Variants in SLC35F1 observed in about 807,000 individuals in gnomAD.
The protein encoded by SLC35F1 is solute carrier family 35 member F1, also known as chromosome 6 open reading frame 169.
SLC35F1 carries 14 observed loss-of-function variants against 48.7 expected under a neutral mutation model. The ratio of observed to expected loss-of-function variants is 0.29; its 90% CI spans 0.19 to 0.45. SLC35F1 has a LOEUF of 0.45. Among genes scored for constraint, SLC35F1 ranks in the 20% least tolerant of loss-of-function variants. The probability of loss-of-function intolerance (pLI) is 1.00; values close to 1 mark genes in which losing one functional copy is unlikely to be tolerated. For missense variants in SLC35F1, 404 were observed against 500.0 expected (o/e 0.81, Z 1.83); for synonymous variants, 190 against 202.2 (o/e 0.94, Z 0.51).
intron 1 of SLC35F1, among the ~76,000 whole-genome samples, chr6:117,996,152 A>C (rs79493899): frequency 0.018 from 2,721 of 152,338 alleles, 32 homozygotes; most frequent in East Asian, 0.031. Flanking sequence ...ATTTAAGAGA[A>C]GAATATTAAA....
intron 1 of SLC35F1, among the ~76,000 whole-genome samples, chr6:117,925,758 T>C (rs1374448867): frequency 1.3e-5 from 2 of 152,062 alleles, no homozygotes; most frequent in Non-Finnish European, 2.9e-5. Context: ...GCCCAAGATG[T>C]AGTTCTGCTG....
intron 2 of SLC35F1, among the ~76,000 whole-genome samples, chr6:118,230,405 C>CA (rs1295148628): frequency 1.3e-5 from 2 of 151,024 alleles, no homozygotes; most frequent in Admixed American, 6.6e-5. Flanking sequence ...AAATTAGAAC[C>CA]AATTAGAAGT....
chr6:118,134,500 A>G (rs1773763734), intron 1 of SLC35F1, among the ~76,000 whole-genome samples: 2 of 152,206 alleles, frequency 1.3e-5, no homozygotes, highest in Admixed American at 6.5e-5. Context: ...CAGGTGGTTG[A>G]TGAAGGCTGG....
intron 1 of SLC35F1, among the ~76,000 whole-genome samples, chr6:118,069,190 C>T (rs1439115465): frequency 3.3e-5 from 5 of 152,112 alleles, no homozygotes; most frequent in Admixed American, 6.5e-5. Context: ...AATTAACCAC[C>T]TTATTTGTAT....
intron 1 of SLC35F1, among the ~76,000 whole-genome samples, chr6:118,095,270 T>A (rs1450201335): frequency 6.6e-6 from 1 of 152,200 alleles, no homozygotes; most frequent in Non-Finnish European, 1.5e-5. Flanking sequence ...TCTTAGTTTG[T>A]GCTCTTTGTT....
intron 2 of SLC35F1, among the ~76,000 whole-genome samples, chr6:118,213,093 A>T (rs1775027271): frequency 6.6e-6 from 1 of 152,194 alleles, no homozygotes; most frequent in African/African-American, 2.4e-5. Flanking sequence ...TTTAAAATTT[A>T]ACAATGCATA....
intron 7 of SLC35F1, 109 bp downstream of exon 7, chr6:118,285,447 A>G (rs1451700553): frequency 7.9e-7 from 1 of 1,261,164 alleles, no homozygotes; most frequent in Non-Finnish European, 1.1e-6. Flanking sequence ...GGGAATAGTA[A>G]TGTAACTGGG....
Position 118,098,469 on chromosome 6 carries a change from A to T in SLC35F1, c.174-55976A>T, listed in dbSNP as rs111551818. On this transcript the variant is annotated intron_variant, in intron 1 of 7. Coordinates refer to ENST00000360388, the MANE Select transcript of SLC35F1 (RefSeq NM_001029858.4). ...ATAAGCCTGTTTCTAAGTCTCATGC[A>T]TTGTGTACTGGGAGTGCAGATAGTT... is the stretch of plus-strand genomic sequence containing the variant. Among the ~76,000 whole-genome samples, 23 of 152,280 alleles carry T rather than the reference A, an allele frequency of 1.5e-4. 1 individual carries two copies. The highest frequency in any genetic ancestry group is 5.5e-4 in the African/African-American group (23 of 41,562).
intron 1 of SLC35F1, among the ~76,000 whole-genome samples, chr6:118,005,520 A>G (rs980674498): frequency 6.6e-6 from 1 of 151,898 alleles, no homozygotes; most frequent in African/African-American, 2.4e-5. Flanking sequence ...ATTTTGCCCA[A>G]TTTTAGTCTC....
intron 6 of SLC35F1, among the ~76,000 whole-genome samples, chr6:118,281,364 T>C (rs991792909): frequency 1.3e-5 from 2 of 152,066 alleles, no homozygotes; most frequent in Non-Finnish European, 2.9e-5. Context: ...TAAGGGCAAG[T>C]TACTTAACCC....
chr6:117,993,830 G>A (rs1462713227), intron 1 of SLC35F1, among the ~76,000 whole-genome samples: 1 of 152,202 alleles, frequency 6.6e-6, no homozygotes, highest in African/African-American at 2.4e-5. Context: ...ACAAAGGGCA[G>A]GCAGCTCCAG....
rs144144743 is a variant in SLC35F1, at chr6:118,159,128, G to C, written c.349+4508G>C. On this transcript the variant is annotated intron_variant, in intron 2 of 7. Coordinates refer to ENST00000360388, the MANE Select transcript of SLC35F1 (RefSeq NM_001029858.4). ...CCCAGCTACTTGGGAGACTGAGGCA[G>C]GAGATTGGCGTGAACCTGGGAGGCA... 6.2e-3 allele frequency among the ~76,000 whole-genome samples: 931 copies of C among 149,712 alleles called. 4 individuals carry two copies. Among genetic ancestry groups the C allele is most frequent in the Middle Eastern group, 0.014 (4 of 290 alleles).
intron 2 of SLC35F1, among the ~76,000 whole-genome samples, chr6:118,197,455 C>A (rs1419838733): frequency 6.6e-6 from 1 of 152,108 alleles, no homozygotes; most frequent in Non-Finnish European, 1.5e-5. Flanking sequence ...AAGTTATTTT[C>A]CCCCATCTGG....
chr6:118,039,808 G>GTTTTTTTTTTTTTTTTT (rs201281915), intron 1 of SLC35F1, among the ~76,000 whole-genome samples: 1 of 119,204 alleles, frequency 8.4e-6, no homozygotes, highest in Non-Finnish European at 1.7e-5. Flanking sequence ...TGTTTTTTTT[G>GTTTTTTTTTTTTTTTTT]TTTTTTTTTT....
At chr6:117,977,521 A>G (rs1367038557) in intron 1 of SLC35F1, among the ~76,000 whole-genome samples, 1 of 151,746 alleles carries the variant, frequency 6.6e-6, no homozygotes, top group Non-Finnish European at 1.5e-5. Flanking sequence ...GAAGTTAGCT[A>G]TTTTCTGTGT....
intron 1 of SLC35F1, among the ~76,000 whole-genome samples, chr6:117,912,106 G>A (rs1033104474): frequency 6.6e-6 from 1 of 152,128 alleles, no homozygotes; most frequent in Non-Finnish European, 1.5e-5. Flanking sequence ...ACATACAGTG[G>A]GTTGTCTCAA....
chr6:118,058,509 C>A lies in SLC35F1; in HGVS notation c.174-95936C>A, dbSNP rs187063594. Among the ~76,000 whole-genome samples the A allele has an allele frequency of 8.5e-4, 129 of 152,008 alleles. 1 individual carries two copies. The highest frequency in any genetic ancestry group is 3.0e-3 in the African/African-American group (124 of 41,472). ...ATACCACCTTGAGATTTTTATAGAA[C>A]AAGGTGGGAAATATAAATAAAGTTA... is the stretch of plus-strand genomic sequence containing the variant. On this transcript the variant is annotated intron_variant, in intron 1 of 7. Coordinates refer to ENST00000360388, the MANE Select transcript of SLC35F1 (RefSeq NM_001029858.4).
intron 4 of SLC35F1, among the ~76,000 whole-genome samples, chr6:118,271,109 T>A (rs75096890): frequency 0.04 from 6,072 of 152,234 alleles, 416 homozygotes; most frequent in African/African-American, 0.14. Flanking sequence ...CACAATCAAG[T>A]AAAAATGACA....
intron 1 of SLC35F1, among the ~76,000 whole-genome samples, chr6:117,996,314 T>C (rs978551590): frequency 6.6e-6 from 1 of 152,212 alleles, no homozygotes; most frequent in Non-Finnish European, 1.5e-5. Context: ...TAAGAATTTC[T>C]TGAGTGGCAG....
Sources: gnomAD v4.1 joint callset for allele counts (sites outside exome capture counted in the v4.1 genomes callset) on GRCh38, gnomAD v4.1.1 for gene constraint, MANE v1.5 for transcripts, NCBI Gene and HGNC (gene_info 2026-07-23, HGNC 2026-07-21) for gene names.